The following DPP6 variants were observed in gnomAD, a reference collection of about 807,000 sequenced individuals.
DPP6 encodes A-type potassium channel modulatory protein DPP6.
DPP6 carries 69 observed loss-of-function variants against 122.6 expected under a neutral mutation model. That is an observed-to-expected ratio of 0.56 (90% CI 0.46 to 0.69). The LOEUF (loss-of-function observed/expected upper bound fraction) is 0.69. Ranked by LOEUF, DPP6 falls within the 30% of genes least tolerant of loss-of-function variation. The probability of loss-of-function intolerance (pLI) is 0.00; values close to 1 mark genes in which losing one functional copy is unlikely to be tolerated. For missense variants in DPP6, 928 were observed against 1,116.9 expected (o/e 0.83, Z 2.41); for synonymous variants, 418 against 433.1 (o/e 0.97, Z 0.43).
rs569423577 is a variant in DPP6, at chr7:154,067,522, C to T, written c.243+14459C>T. 5.2e-4 allele frequency among the ~76,000 whole-genome samples: 79 copies of T among 152,168 alleles called. 1 individual carries two copies. Among genetic ancestry groups the T allele is most frequent in the Non-Finnish European group, 6.3e-4 (43 of 67,994 alleles). On this transcript the variant is annotated intron_variant, in intron 1 of 25. Coordinates refer to ENST00000377770, the MANE Select transcript of DPP6 (RefSeq NM_130797.4). ...AGGGAGGTATGTGGGCCTGGAGACT[C>T]GTGCATGTGGGGCAAAGCCATTCAG...
chr7:154,293,167 T>G (rs532222470), intron 1 of DPP6, among the ~76,000 whole-genome samples: 2 of 152,332 alleles, frequency 1.3e-5, no homozygotes, highest in South Asian at 4.1e-4. Context: ...AGTTTTAATT[T>G]TCAGCAAAAG....
intron 1 of DPP6, among the ~76,000 whole-genome samples, chr7:154,402,491 C>T (rs1361428615): frequency 2.0e-5 from 3 of 150,144 alleles, no homozygotes; most frequent in Non-Finnish European, 4.4e-5. Flanking sequence ...AGTAAACTAT[C>T]GCAAGAACAA....
chr7:154,175,782 C>A (rs1354407842), intron 1 of DPP6, among the ~76,000 whole-genome samples: 1 of 149,600 alleles, frequency 6.7e-6, no homozygotes, highest in Non-Finnish European at 1.5e-5. Flanking sequence ...TGCAGTGGCA[C>A]GATCTCGGCT....
intron 1 of DPP6, among the ~76,000 whole-genome samples, chr7:154,325,872 C>T (rs879154952): frequency 6.6e-6 from 1 of 152,130 alleles, no homozygotes; most frequent in Admixed American, 6.5e-5. Context: ...CTCTCTGTTA[C>T]CTGAATGTCT....
intron 15 of DPP6, among the ~76,000 whole-genome samples, 180 bp downstream of exon 15, chr7:154,805,144 GT>G (rs571439805): frequency 1.3e-5 from 2 of 152,348 alleles, no homozygotes; most frequent in Non-Finnish European, 2.9e-5. Flanking sequence ...CAAAGGGGTA[GT>G]TTTGAGACTT....
intron 7 of DPP6, among the ~76,000 whole-genome samples, chr7:154,685,336 A>G (rs1443969505): frequency 1.2e-4 from 19 of 152,238 alleles, no homozygotes; most frequent in Non-Finnish European, 4.4e-5. Context: ...ATGGTGGCAG[A>G]TGATTGTTTA....
At position 154,722,570 on chromosome 7, in the gene DPP6, G is replaced by A. The variant is rs886269858; in HGVS notation, c.763-5197G>A. ...TTTTAAAAAATACATGAGAAAAATC[G>A]TGTTTCAGTAAAGACAAATCTGGTG... is the stretch of plus-strand genomic sequence containing the variant. On this transcript the variant is annotated intron_variant, in intron 7 of 25. Coordinates refer to ENST00000377770, the MANE Select transcript of DPP6 (RefSeq NM_130797.4). 1.2e-4 allele frequency among the ~76,000 whole-genome samples: 19 copies of A among 152,188 alleles called. No individual in the cohort carries two copies. The East Asian group carries it at 3.1e-3, about 25-fold the overall frequency.
At chr7:154,068,206 G>A (rs1405558153) in intron 1 of DPP6, among the ~76,000 whole-genome samples, 1 of 151,966 alleles carries the variant, frequency 6.6e-6, no homozygotes, top group East Asian at 1.9e-4. Context: ...GTGGGAGGAG[G>A]CATCGGCTTG....
chr7:154,162,918 T>C (rs1379411591), intron 1 of DPP6, among the ~76,000 whole-genome samples: 1 of 152,112 alleles, frequency 6.6e-6, no homozygotes, highest in East Asian at 1.9e-4. Context: ...TGTAAGGAAC[T>C]TGACACCCAG....
intron 10 of DPP6, among the ~76,000 whole-genome samples, chr7:154,786,050 CT>C (rs532880565): frequency 6.6e-6 from 1 of 152,146 alleles, no homozygotes. Context: ...ATCCTGGGAC[CT>C]CCCCACAGTG....
chr7:154,700,602 A>G (rs541374364), intron 7 of DPP6, among the ~76,000 whole-genome samples: 1 of 152,342 alleles, frequency 6.6e-6, no homozygotes, highest in Admixed American at 6.5e-5. Context: ...ATGTTCCAAA[A>G]TCAGCTTCAG....
At chr7:154,647,521 C>T (rs1406710849) in intron 6 of DPP6, among the ~76,000 whole-genome samples, 1 of 152,208 alleles carries the variant, frequency 6.6e-6, no homozygotes. Flanking sequence ...GAAGCAGAGC[C>T]GGCTCTTCCG....
At chr7:154,362,882 A>G (rs1434539314) in intron 1 of DPP6, among the ~76,000 whole-genome samples, 1 of 152,172 alleles carries the variant, frequency 6.6e-6, no homozygotes, top group Non-Finnish European at 1.5e-5. Context: ...ATCAGCATCA[A>G]CTGGAGCTTG....
the DPP6 span, among the ~76,000 whole-genome samples, chr7:153,790,933 A>G: frequency 6.6e-6 from 1 of 152,206 alleles, no homozygotes; most frequent in African/African-American, 2.4e-5. Context: ...GTTCATTTCT[A>G]CGGAGCAACT....
intron 1 of DPP6, among the ~76,000 whole-genome samples, chr7:154,053,675 C>T (rs1290462790): frequency 2.6e-5 from 4 of 152,202 alleles, no homozygotes; most frequent in Non-Finnish European, 5.9e-5. Context: ...TGAGCCCCAA[C>T]CCTCTGTCCC....
At chr7:153,865,653 A>T in the DPP6 span, among the ~76,000 whole-genome samples, 3 of 152,152 alleles carry the variant, frequency 2.0e-5, no homozygotes, top group East Asian at 3.8e-4. Context: ...TGTATTTTTT[A>T]AATTTTATTA....
chr7:154,637,971 C>T (rs555038422), intron 6 of DPP6, 98 bp downstream of exon 6: 67 of 1,331,668 alleles, frequency 5.0e-5, no homozygotes, highest in Non-Finnish European at 6.4e-5. Flanking sequence ...CGGGAAATGG[C>T]GTTCCAGTTC....
intron 1 of DPP6, among the ~76,000 whole-genome samples, chr7:154,063,167 C>G (rs1196117715): frequency 1.6e-5 from 2 of 122,530 alleles, no homozygotes; most frequent in African/African-American, 3.0e-5. Flanking sequence ...TCCCCTTTTC[C>G]GCCCCTGGCT....
intron 1 of DPP6, among the ~76,000 whole-genome samples, chr7:154,337,461 C>T (rs1234945934): frequency 6.6e-6 from 1 of 152,134 alleles, no homozygotes; most frequent in Non-Finnish European, 1.5e-5. Context: ...TTTTAGAAAA[C>T]GTCTAAAATC....
Sources: allele counts gnomAD v4.1 joint callset (sites outside exome capture counted in the v4.1 genomes callset), GRCh38; gene constraint gnomAD v4.1.1; transcripts MANE v1.5; gene names NCBI Gene and HGNC (gene_info 2026-07-23, HGNC 2026-07-21).